Variants in GSK3B observed in about 807,000 individuals in gnomAD.
GSK3B encodes the protein glycogen synthase kinase-3 beta.
In GSK3B, 15 loss-of-function variants were observed where a neutral mutation model predicts 56.4. The ratio of observed to expected loss-of-function variants is 0.27; its 90% confidence interval spans 0.18 to 0.41. The LOEUF (loss-of-function observed/expected upper bound fraction) is 0.41. Among genes scored for constraint, GSK3B ranks in the 10% least tolerant of loss-of-function variants. GSK3B has a pLI of 1.00. For missense variants in GSK3B, 300 were observed against 513.4 expected (o/e 0.58, Z 4.02); for synonymous variants, 181 against 188.9 (o/e 0.96, Z 0.34).
At chr3:119,904,711 C>T (rs1051428735) in intron 7 of GSK3B, among the ~76,000 whole-genome samples, 4 of 151,994 alleles carry the variant, frequency 2.6e-5, no homozygotes, top group Non-Finnish European at 1.5e-5. Flanking sequence ...AAGCTGCATC[C>T]CTAAGTAGTA....
rs185334132 is a variant in GSK3B at position 119,929,857 on chromosome 3, C to T, written c.367-6374G>A. Reference sequence around the variant, plus strand: ...CAGAGGTTGCTCTGAGCTGAGATCACGCCATTGCACCCCAGTCTGGGCAAC... The same window carrying T: ...CAGAGGTTGCTCTGAGCTGAGATCATGCCATTGCACCCCAGTCTGGGCAAC... On this transcript the variant is annotated intron_variant, in intron 3 of 10. Coordinates refer to ENST00000264235, the MANE Select transcript of GSK3B (RefSeq NM_001146156.2). Among the ~76,000 whole-genome samples, 822 of 150,866 alleles carry T rather than the reference C, an allele frequency of 5.4e-3. 8 individuals carry two copies. Among genetic ancestry groups the T allele is most frequent in the Non-Finnish European group, 9.5e-3 (644 of 67,732 alleles).
chr3:119,856,050 A>G (rs1228951140), intron 9 of GSK3B, among the ~76,000 whole-genome samples: 1 of 152,184 alleles, frequency 6.6e-6, no homozygotes, highest in African/African-American at 2.4e-5. Flanking sequence ...ATGATTTTGT[A>G]TCTCAATCCT....
intron 1 of GSK3B, among the ~76,000 whole-genome samples, chr3:120,089,102 G>C (rs987487633): frequency 6.6e-6 from 1 of 152,196 alleles, no homozygotes; most frequent in Non-Finnish European, 1.5e-5. Flanking sequence ...AGTAAAGCGT[G>C]CAAGTACTGA....
At position 119,863,399 on chromosome 3, in the gene GSK3B, G is replaced by A. The variant is rs1253209579; in HGVS notation, c.1096+20C>T. The A allele has an allele frequency of 1.7e-5, 27 of 1,593,328 alleles. No homozygotes were observed. The highest frequency in any genetic ancestry group is 2.7e-5 in the African/African-American group (2 of 74,474). On this transcript the variant is annotated intron_variant, in intron 9 of 10. Coordinates refer to ENST00000264235, the MANE Select transcript of GSK3B (RefSeq NM_001146156.2). ...GTAGCTTTCCTAGAACTGGTGAAGA[G>A]GCTAAGTGTTTGGAGTTACCTTGAG...
intron 2 of GSK3B, among the ~76,000 whole-genome samples, chr3:119,954,229 GAATAGAATAGAATA>G (rs1399671049): frequency 3.5e-5 from 1 of 28,718 alleles, no homozygotes; most frequent in Non-Finnish European, 8.1e-5. Flanking sequence ...AAGGAGAATA[GAATAGAATAGAATA>G]GAATAGAATA....
At chr3:120,029,135 A>C (rs2057954514) in intron 1 of GSK3B, 5 of 707,734 alleles carry the variant, frequency 7.1e-6, no homozygotes, top group Non-Finnish European at 1.3e-5. Context: ...TATTTTGATG[A>C]TATAAAAGCT....
chr3:119,860,821 A>C (rs1301320788), intron 9 of GSK3B, among the ~76,000 whole-genome samples: 1 of 152,226 alleles, frequency 6.6e-6, no homozygotes, highest in Admixed American at 6.5e-5. Context: ...ACGGCACTCA[A>C]ACATTCACTG....
intron 1 of GSK3B, among the ~76,000 whole-genome samples, chr3:120,085,062 T>C (rs1328659226): frequency 6.6e-6 from 1 of 152,196 alleles, no homozygotes; most frequent in Non-Finnish European, 1.5e-5. Flanking sequence ...GAAAGAGAAC[T>C]GGTTGTTGCA....
Position 119,858,646 on chromosome 3 carries a change from A to G in GSK3B, c.1096+4773T>C, listed in dbSNP as rs547251807. ...GTAGCACTTTAAATTTCCTTTGACA[A>G]CTTTTTCTTTGCATTCACAACTTGG... On this transcript the variant is annotated intron_variant, in intron 9 of 10. Transcript: ENST00000264235. Among the ~76,000 whole-genome samples, 5 of 152,174 alleles carry G rather than the reference A, an allele frequency of 3.3e-5. No homozygotes were observed. The South Asian group carries it at 1.0e-3, about 32-fold the overall frequency.
intron 1 of GSK3B, among the ~76,000 whole-genome samples, chr3:120,024,827 G>C (rs1678683053): frequency 6.6e-6 from 1 of 152,126 alleles, no homozygotes; most frequent in Non-Finnish European, 1.5e-5. Flanking sequence ...GGAAGCAATG[G>C]AGTGGGAAGC....
At chr3:119,979,033 G>A (rs186628015) in intron 2 of GSK3B, among the ~76,000 whole-genome samples, 21 of 152,212 alleles carry the variant, frequency 1.4e-4, no homozygotes, top group South Asian at 8.3e-4. Flanking sequence ...ACATTCCTAC[G>A]GTCTCTCCAC....
intron 2 of GSK3B, among the ~76,000 whole-genome samples, chr3:119,978,292 G>A (rs2057426036): frequency 6.6e-6 from 1 of 151,530 alleles, no homozygotes; most frequent in Non-Finnish European, 1.5e-5. Flanking sequence ...TCCTCCCAAA[G>A]AGATTCCAAC....
At position 119,822,928 on chromosome 3, in the gene GSK3B, A is replaced by C. The variant is rs191981565; in HGVS notation, c.*3860T>G. On this transcript the variant is annotated 3_prime_UTR_variant, in exon 11 of 11. Transcript: ENST00000264235. ...AAATAGATGAAATGCCAGTGTCTTC[A>C]TATCCACAGGGATAGAGAATACTCC... 292 of 229,294 alleles carry C rather than the reference A, an allele frequency of 1.3e-3. 2 individuals carry two copies. The highest frequency in any genetic ancestry group is 6.0e-3 in the African/African-American group (273 of 45,248). The allele number at this position is 229,294 out of a possible 1,614,324, so 14.2% of individuals were successfully genotyped here.
At chr3:119,865,489 T>G (rs1371338529) in intron 8 of GSK3B, among the ~76,000 whole-genome samples, 46 of 85,784 alleles carry the variant, frequency 5.4e-4, no homozygotes, top group Non-Finnish European at 9.8e-4. Context: ...TTTTTTTTTT[T>G]GAGATGGAGT....
intron 4 of GSK3B, among the ~76,000 whole-genome samples, chr3:119,920,178 A>C (rs2056825621): frequency 6.6e-6 from 1 of 152,186 alleles, no homozygotes; most frequent in Non-Finnish European, 1.5e-5. Flanking sequence ...AGAAAACCAC[A>C]ATCTATAATA....
intron 2 of GSK3B, among the ~76,000 whole-genome samples, chr3:119,974,425 A>G (rs909538586): frequency 1.3e-5 from 2 of 151,782 alleles, no homozygotes; most frequent in African/African-American, 4.9e-5. Context: ...TAATACCCTT[A>G]TAAAAGATGC....
intron 1 of GSK3B, among the ~76,000 whole-genome samples, chr3:120,070,278 T>TAA (rs58003137): frequency 1.5e-5 from 2 of 136,702 alleles, no homozygotes; most frequent in Non-Finnish European, 3.3e-5. Flanking sequence ...ACAGTTTAAA[T>TAA]AAAAAAAAAA....
intron 1 of GSK3B, among the ~76,000 whole-genome samples, chr3:120,056,560 G>A (rs1312855401): frequency 2.6e-5 from 4 of 152,038 alleles, no homozygotes; most frequent in East Asian, 1.9e-4. Context: ...GGCTGGTCTC[G>A]AACTCCTGAC....
intron 4 of GSK3B, among the ~76,000 whole-genome samples, chr3:119,922,220 A>AGGAG (rs1280326048): frequency 9.2e-4 from 97 of 105,048 alleles, no homozygotes; most frequent in African/African-American, 2.2e-3. Context: ...GAAGGAAGGA[A>AGGAG]GGAAGGAGGG....
Sources: gnomAD v4.1 joint callset for allele counts (sites outside exome capture counted in the v4.1 genomes callset) on GRCh38, gnomAD v4.1.1 for gene constraint, MANE v1.5 for transcripts, NCBI Gene and HGNC (gene_info 2026-07-23, HGNC 2026-07-21) for gene names.